Variants in AP3B1 observed in about 807,000 individuals in gnomAD.
The protein encoded by AP3B1 is AP-3 complex subunit beta-1.
AP3B1 carries 61 observed loss-of-function variants against 132.5 expected under a neutral mutation model. The ratio of observed to expected loss-of-function variants is 0.46; its 90% CI spans 0.37 to 0.57. The LOEUF is 0.57. AP3B1 is among the 20% of genes least tolerant of loss of function. The pLI is 0.00. For missense variants in AP3B1, 1,120 were observed against 1,289.4 expected, an observed-to-expected ratio of 0.87 and a Z score of 2.01; for synonymous variants, 388 against 438.3, an observed-to-expected ratio of 0.89 and a Z score of 1.43.
chr5:78,251,136 C>T (rs1330636372), intron 2 of AP3B1, among the ~76,000 whole-genome samples: 1 of 152,090 alleles, frequency 6.6e-6, no homozygotes, highest in African/African-American at 2.4e-5. Flanking sequence ...CATAACAAAT[C>T]AGTAAAGAAA....
intron 14 of AP3B1, among the ~76,000 whole-genome samples, chr5:78,154,875 T>G (rs1743082009): frequency 6.6e-6 from 1 of 152,244 alleles, no homozygotes; most frequent in African/African-American, 2.4e-5. Flanking sequence ...TGAATTTCTT[T>G]GAGTTTTCTC....
chr5:78,181,347 C>T (rs1224906309), intron 8 of AP3B1, among the ~76,000 whole-genome samples, 160 bp downstream of exon 8: 1 of 152,120 alleles, frequency 6.6e-6, no homozygotes, highest in East Asian at 1.9e-4. Context: ...CTATAGCTTA[C>T]ATTCCACACT....
chr5:78,150,521 A>G lies in AP3B1; in HGVS notation c.1473+5737T>C, dbSNP rs530218203. Among the ~76,000 whole-genome samples the G allele has an allele frequency of 4.6e-5, 7 of 151,466 alleles. No individual in the cohort carries two copies. In the South Asian group the frequency reaches 1.5e-3, roughly 32 times the overall value. Reference sequence around the variant, plus strand: ...AAACTTGTTGCAGATAGTTCTTTCAAAAACTTTGGTTTTAAAGGGAAGAAG... The same window carrying G: ...AAACTTGTTGCAGATAGTTCTTTCAGAAACTTTGGTTTTAAAGGGAAGAAG... On this transcript the variant is annotated intron_variant, in intron 14 of 26. Coordinates refer to ENST00000255194, the MANE Select transcript of AP3B1 (RefSeq NM_003664.5).
At chr5:78,116,906 G>A (rs1751863203) in intron 17 of AP3B1, among the ~76,000 whole-genome samples, 1 of 151,794 alleles carries the variant, frequency 6.6e-6, no homozygotes, top group South Asian at 2.1e-4. Context: ...GCTCCTTTTT[G>A]GCCTGAAACC....
At position 78,087,361 on chromosome 5, in the gene AP3B1, ATCT is replaced by A. The variant is rs1398681606; in HGVS notation, c.2577+2029_2577+2031del. ...AGGAAGCTTAAACTCTGGTTGATTC[ATCT>A]TCTTTTCTCAGTACTGTTCTGAGGG... On this transcript the variant is annotated intron_variant, in intron 22 of 26. Coordinates refer to ENST00000255194, the MANE Select transcript of AP3B1 (RefSeq NM_003664.5). 14 of 220,034 alleles carry A rather than the reference ATCT, an allele frequency of 6.4e-5. No individual in the cohort carries two copies. In the South Asian group the frequency reaches 2.3e-3, roughly 36 times the overall value. 13.6% of individuals were successfully genotyped at this position (220,034 alleles called of 1,614,324 possible).
At chr5:78,272,666 C>A (rs1748595848) in intron 1 of AP3B1, among the ~76,000 whole-genome samples, 1 of 152,044 alleles carries the variant, frequency 6.6e-6, no homozygotes. Context: ...GAAAAGGATA[C>A]AGAAAGGAAA....
chr5:78,220,093 A>G (rs1746117591), intron 6 of AP3B1, among the ~76,000 whole-genome samples: 1 of 152,046 alleles, frequency 6.6e-6, no homozygotes, highest in Non-Finnish European at 1.5e-5. Flanking sequence ...GGAGAAATGT[A>G]CCTGTCTTCC....
intron 6 of AP3B1, among the ~76,000 whole-genome samples, chr5:78,218,244 A>C (rs1379093706): frequency 6.6e-6 from 1 of 152,104 alleles, no homozygotes; most frequent in Non-Finnish European, 1.5e-5. Flanking sequence ...AAATATTCAG[A>C]ATTAAAATTA....
intron 1 of AP3B1, among the ~76,000 whole-genome samples, chr5:78,275,494 T>G (rs56037162): frequency 0.069 from 10,479 of 152,080 alleles, 391 homozygotes; most frequent in South Asian, 0.085. Flanking sequence ...TTTTTTTTTT[T>G]GGGGGACAGT....
At chr5:78,209,369 A>G (rs1294570016) in intron 7 of AP3B1, among the ~76,000 whole-genome samples, 2 of 152,206 alleles carry the variant, frequency 1.3e-5, no homozygotes, top group South Asian at 2.1e-4. Flanking sequence ...TCTGCAAGAT[A>G]AAACTTTAGT....
rs149521661 is a variant in AP3B1, at chr5:78,225,568, C to T, written c.577G>A (p.Glu193Lys). 1 of 1,580,108 alleles carries T rather than the reference C, an allele frequency of 6.3e-7. No homozygotes were observed. The highest frequency in any genetic ancestry group is 1.3e-5 in the African/African-American group (1 of 74,082). ...GTGCTTTTATCTTTCAGAAGTTTTT[C>T]AATTACTTCAATTAACATTTCCTTC... Reference protein sequence around the residue: ...EQKEMLIEVIEKLLKDKSTLV... With the variant: ...EQKEMLIEVIKKLLKDKSTLV... The change falls in exon 6 of 27, where the codon GAA becomes AAA. Residue 193 changes from glutamate (E) to lysine (K), a missense_variant. Glu to Lys is a moderately conservative substitution (Grantham distance 56). Coordinates refer to ENST00000255194, the MANE Select transcript of AP3B1 (RefSeq NM_003664.5).
At chr5:78,175,944 G>T in intron 9 of AP3B1, 106 bp from the exon 10 acceptor site, 1 of 908,390 alleles carries the variant, frequency 1.1e-6, no homozygotes, top group Middle Eastern at 3.4e-4. Context: ...AAGTGAATGA[G>T]ACTCTTAAAT....
chr5:78,056,463 T>C (rs1748819363), intron 22 of AP3B1, among the ~76,000 whole-genome samples: 1 of 152,218 alleles, frequency 6.6e-6, no homozygotes, highest in Admixed American at 6.5e-5. Context: ...AAAACACCAA[T>C]CTGTCAGATA....
intron 23 of AP3B1, among the ~76,000 whole-genome samples, chr5:78,035,008 TTAAA>T (rs1199670166): frequency 1.3e-5 from 2 of 151,916 alleles, no homozygotes; most frequent in African/African-American, 2.4e-5. Flanking sequence ...TCTAATTGCA[TTAAA>T]TACTCAAAAA....
Position 78,015,433 on chromosome 5 carries a change from A to C in AP3B1, c.3108T>G (p.Pro1036=), listed in dbSNP as rs1746816097. The C allele has an allele frequency of 6.2e-7, 1 of 1,613,756 alleles. No individual in the cohort carries two copies. Among genetic ancestry groups the C allele is most frequent in the African/African-American group, 1.3e-5 (1 of 74,922 alleles). Residue 1036 remains proline, a synonymous_variant, in exon 26 of 27, where the codon CCT becomes CCG. Coordinates refer to ENST00000255194, the MANE Select transcript of AP3B1 (RefSeq NM_003664.5). ...VVNVANVGAV[P]SGQDNIHRFA... is the part of the protein sequence containing the mutation. Reference sequence around the variant, plus strand: ...ACCTGTGTATATTATCCTGGCCAGAAGGGACTGCACCTACATTGGCTACAT... The same window carrying C: ...ACCTGTGTATATTATCCTGGCCAGACGGGACTGCACCTACATTGGCTACAT...
chr5:78,057,932 A>G (rs1748884847), intron 22 of AP3B1, among the ~76,000 whole-genome samples: 1 of 152,184 alleles, frequency 6.6e-6, no homozygotes, highest in Non-Finnish European at 1.5e-5. Flanking sequence ...CCTAGATAAG[A>G]ATAATTTCTT....
chr5:78,266,339 G>A (rs989178147), intron 2 of AP3B1, among the ~76,000 whole-genome samples: 6 of 152,078 alleles, frequency 3.9e-5, no homozygotes, highest in Admixed American at 3.9e-4. Context: ...ATTTACAATG[G>A]AATCCTCAAA....
intron 17 of AP3B1, among the ~76,000 whole-genome samples, chr5:78,124,631 A>T (rs1186347934): frequency 6.6e-6 from 1 of 152,186 alleles, no homozygotes. Context: ...GGTTTAAGGT[A>T]TGTTGCTTAA....
intron 26 of AP3B1, among the ~76,000 whole-genome samples, chr5:78,005,807 C>G (rs1746367338): frequency 1.3e-5 from 2 of 152,126 alleles, no homozygotes; most frequent in Non-Finnish European, 2.9e-5. Flanking sequence ...AAACCACTAC[C>G]CCAGATTTAT....
Sources: gnomAD v4.1 joint callset for allele counts (sites outside exome capture counted in the v4.1 genomes callset) on GRCh38, gnomAD v4.1.1 for gene constraint, MANE v1.5 for transcripts, NCBI Gene and HGNC (gene_info 2026-07-23, HGNC 2026-07-21) for gene names.